Variants in ADAMTSL1 observed in about 807,000 individuals in gnomAD.
The protein encoded by ADAMTSL1 is ADAMTS-like protein 1.
In ADAMTSL1, 126 loss-of-function variants were observed where a neutral mutation model predicts 201.8. That is an observed-to-expected ratio of 0.62 (90% CI 0.54 to 0.72). The LOEUF is 0.72. Ranked by LOEUF, ADAMTSL1 falls within the 30% of genes least tolerant of loss-of-function variation. The pLI is 0.00. For synonymous variants in ADAMTSL1, 1,121 were observed against 903.4 expected (o/e 1.24, Z -4.32); for missense variants, 2,679 against 2,277.8 (o/e 1.18, Z -3.59).
At chr9:18,070,180 C>T (rs183839460) in intron 1 of ADAMTSL1, among the ~76,000 whole-genome samples, 81 of 152,210 alleles carry the variant, frequency 5.3e-4, no homozygotes, top group African/African-American at 1.8e-3. Context: ...ATTCAAAGAA[C>T]CAGAATAACC....
At chr9:17,943,984 G>C (rs1238311451) in intron 1 of ADAMTSL1, among the ~76,000 whole-genome samples, 3 of 151,768 alleles carry the variant, frequency 2.0e-5, no homozygotes, top group Non-Finnish European at 4.4e-5. Flanking sequence ...TAAATAATCA[G>C]ATCTTGTGAG....
At chr9:18,327,461 G>T (rs192180571) in intron 2 of ADAMTSL1, among the ~76,000 whole-genome samples, 128 of 152,282 alleles carry the variant, frequency 8.4e-4, no homozygotes, top group South Asian at 4.4e-3. Flanking sequence ...TCTTTCCTTG[G>T]CAGAATTGAA....
intron 2 of ADAMTSL1, among the ~76,000 whole-genome samples, chr9:18,522,813 G>A (rs1022367017): frequency 2.5e-4 from 38 of 151,896 alleles, no homozygotes; most frequent in African/African-American, 7.2e-4. Context: ...GTGTATATGC[G>A]CCACATTTTC....
At chr9:18,825,529 C>T (rs10963784) in intron 21 of ADAMTSL1, among the ~76,000 whole-genome samples, 4 of 152,164 alleles carry the variant, frequency 2.6e-5, no homozygotes, top group African/African-American at 9.7e-5. Context: ...AATCTAGCAG[C>T]TTCCATTTGT....
At chr9:18,147,150 C>G (rs1826679742) in intron 1 of ADAMTSL1, among the ~76,000 whole-genome samples, 1 of 152,054 alleles carries the variant, frequency 6.6e-6, no homozygotes, top group Non-Finnish European at 1.5e-5. Context: ...TACGTAACCT[C>G]TGAAACTTAG....
chr9:18,715,580 TAA>T (rs1420256501), intron 14 of ADAMTSL1, among the ~76,000 whole-genome samples: 1 of 151,774 alleles, frequency 6.6e-6, no homozygotes, highest in African/African-American at 2.4e-5. Context: ...CTCAAGGAAA[TAA>T]AAGAGGATAC....
intron 2 of ADAMTSL1, among the ~76,000 whole-genome samples, chr9:18,298,476 C>T (rs1833562164): frequency 1.3e-5 from 2 of 152,114 alleles, no homozygotes; most frequent in African/African-American, 2.4e-5. Flanking sequence ...GACCTAGAAA[C>T]ATAATCTCTG....
chr9:17,955,087 C>T (rs1210184067), intron 1 of ADAMTSL1, among the ~76,000 whole-genome samples: 8 of 152,016 alleles, frequency 5.3e-5, no homozygotes, highest in East Asian at 1.9e-4. Context: ...TATTTGATGC[C>T]GTGTGTGTAT....
At chr9:18,639,075 T>A (rs1027394185) in intron 6 of ADAMTSL1, among the ~76,000 whole-genome samples, 179 bp from the exon 7 acceptor site, 1 of 152,104 alleles carries the variant, frequency 6.6e-6, no homozygotes, top group South Asian at 2.1e-4. Flanking sequence ...CCAGCATAAA[T>A]TCCTATGTGA....
intron 23 of ADAMTSL1, among the ~76,000 whole-genome samples, chr9:18,856,035 C>A (rs1055405673): frequency 1.3e-5 from 2 of 152,166 alleles, no homozygotes; most frequent in African/African-American, 2.4e-5. Context: ...CATTAATGAA[C>A]TTTCCTGGCA....
At chr9:18,565,224 C>G (rs1821802451) in intron 3 of ADAMTSL1, among the ~76,000 whole-genome samples, 1 of 152,146 alleles carries the variant, frequency 6.6e-6, no homozygotes, top group Non-Finnish European at 1.5e-5. Flanking sequence ...TTCAATATAC[C>G]TGTAACTAGT....
chr9:17,959,605 C>G (rs1399171987), intron 1 of ADAMTSL1, among the ~76,000 whole-genome samples: 1 of 151,958 alleles, frequency 6.6e-6, no homozygotes, highest in African/African-American at 2.4e-5. Context: ...ATTACAGGCG[C>G]CTGCCACCAT....
At chr9:18,055,639 A>G (rs1822149219) in intron 1 of ADAMTSL1, among the ~76,000 whole-genome samples, 1 of 152,244 alleles carries the variant, frequency 6.6e-6, no homozygotes, top group African/African-American at 2.4e-5. Context: ...TCGTAAGCAC[A>G]TGCTTCATCT....
At chr9:18,133,350 A>G (rs1255277195) in intron 1 of ADAMTSL1, among the ~76,000 whole-genome samples, 1 of 152,236 alleles carries the variant, frequency 6.6e-6, no homozygotes, top group Non-Finnish European at 1.5e-5. Context: ...CCAGCTCTAG[A>G]CAGTGATCCC....
intron 2 of ADAMTSL1, among the ~76,000 whole-genome samples, chr9:18,173,084 T>G (rs1029340117): frequency 1.3e-5 from 2 of 152,164 alleles, no homozygotes; most frequent in African/African-American, 4.8e-5. Context: ...ATAAAATGTT[T>G]CTATTTGTTT....
intron 1 of ADAMTSL1, among the ~76,000 whole-genome samples, chr9:17,961,531 G>T (rs576400491): frequency 1.3e-5 from 2 of 152,162 alleles, no homozygotes; most frequent in Non-Finnish European, 2.9e-5. Context: ...GATTACAGGC[G>T]TGAGCCACCA....
intron 1 of ADAMTSL1, among the ~76,000 whole-genome samples, chr9:17,962,493 GA>G (rs1817794928): frequency 6.6e-6 from 1 of 152,094 alleles, no homozygotes; most frequent in Non-Finnish European, 1.5e-5. Context: ...ACCAATGTTA[GA>G]GCAAAAATCC....
intron 4 of ADAMTSL1, among the ~76,000 whole-genome samples, chr9:18,599,412 G>A (rs1004214816): frequency 6.6e-6 from 1 of 152,194 alleles, no homozygotes; most frequent in Non-Finnish European, 1.5e-5. Context: ...GTGCTTAGGA[G>A]GAGGTAGGAT....
At chr9:18,415,565 A>G (rs1818637375) in intron 2 of ADAMTSL1, among the ~76,000 whole-genome samples, 1 of 152,160 alleles carries the variant, frequency 6.6e-6, no homozygotes, top group South Asian at 2.1e-4. Context: ...ATACAACTTC[A>G]GTTGCCTAAT....
Sources: allele counts gnomAD v4.1 joint callset (sites outside exome capture counted in the v4.1 genomes callset), GRCh38; gene constraint gnomAD v4.1.1; transcripts MANE v1.5; gene names NCBI Gene and HGNC (gene_info 2026-07-23, HGNC 2026-07-21).